Variants in PIK3CB observed in about 807,000 individuals in gnomAD.
PIK3CB encodes phosphatidylinositol-4,5-bisphosphate 3-kinase catalytic subunit beta.
Under a neutral mutation model 136.8 loss-of-function variants are expected in PIK3CB, and 39 were observed. The ratio of observed to expected loss-of-function variants is 0.29; its 90% CI spans 0.22 to 0.37. The LOEUF (loss-of-function observed/expected upper bound fraction) is 0.37. Ranked by LOEUF, PIK3CB falls within the 10% of genes least tolerant of loss-of-function variation. The pLI, the probability that PIK3CB is intolerant of heterozygous loss-of-function variation, is 1.00. For missense variants in PIK3CB, 868 were observed against 1,275.4 expected, an observed-to-expected ratio of 0.68 and a Z score of 4.87; for synonymous variants, 428 against 436.6, an observed-to-expected ratio of 0.98 and a Z score of 0.25.
intron 2 of PIK3CB, among the ~76,000 whole-genome samples, chr3:138,791,589 T>C (rs1439860075): frequency 6.6e-6 from 1 of 152,082 alleles, no homozygotes; most frequent in Admixed American, 6.6e-5. Flanking sequence ...TCTACCACAT[T>C]CACAATGATG....
chr3:138,754,583 A>T (rs2045531006), intron 4 of PIK3CB, among the ~76,000 whole-genome samples: 1 of 152,210 alleles, frequency 6.6e-6, no homozygotes, highest in South Asian at 2.1e-4. Context: ...ATGATACATA[A>T]CTATAAACTT....
chr3:138,662,244 A>C (rs1470995916), intron 21 of PIK3CB, among the ~76,000 whole-genome samples: 34 of 142,120 alleles, frequency 2.4e-4, no homozygotes, highest in Non-Finnish European at 4.1e-4. Flanking sequence ...TATATCTCCT[A>C]ATGCTATCCC....
chr3:138,688,478 G>T (rs1262197613), intron 16 of PIK3CB, among the ~76,000 whole-genome samples: 2 of 121,434 alleles, frequency 1.6e-5, no homozygotes, highest in African/African-American at 6.4e-5. Context: ...TCCAGCCTGG[G>T]CAACAGAGCG....
chr3:138,673,066 T>G (rs2043570195), intron 19 of PIK3CB, among the ~76,000 whole-genome samples: 1 of 151,792 alleles, frequency 6.6e-6, no homozygotes, highest in South Asian at 2.1e-4. Context: ...CATAAAGATA[T>G]GAAAAGACTC....
At chr3:138,679,399 G>A (rs1476878634) in intron 19 of PIK3CB, among the ~76,000 whole-genome samples, 2 of 151,986 alleles carry the variant, frequency 1.3e-5, no homozygotes, top group East Asian at 1.9e-4. Flanking sequence ...GGGTTCAAGC[G>A]ATCCTCTCAC....
chr3:138,656,418 CT>C, intron 22 of PIK3CB, 144 bp from the exon 23 acceptor site: 1 of 823,738 alleles, frequency 1.2e-6, no homozygotes, highest in Non-Finnish European at 1.8e-6. Context: ...CTGATTTTTA[CT>C]TCTGCGAAAA....
At chr3:138,765,928 G>A (rs1181206741) in intron 2 of PIK3CB, among the ~76,000 whole-genome samples, 2 of 152,164 alleles carry the variant, frequency 1.3e-5, no homozygotes, top group African/African-American at 4.8e-5. Flanking sequence ...TTTGCATGTG[G>A]TTTTACAAAA....
intron 6 of PIK3CB, among the ~76,000 whole-genome samples, chr3:138,736,006 A>G (rs971356542): frequency 6.6e-6 from 1 of 152,176 alleles, no homozygotes; most frequent in Non-Finnish European, 1.5e-5. Flanking sequence ...CTAACCCTGC[A>G]CAAAAACACA....
At position 138,825,395 on chromosome 3, in the gene PIK3CB, G is replaced by T. The variant is rs1933737836; in HGVS notation, c.-122+9300C>A. ...TGCTGAAGTGTGAAGCAACTAATTGGTGTTAACAAAATGGATTCCACTGAG... is the reference window on the plus strand; with the variant it reads ...TGCTGAAGTGTGAAGCAACTAATTGTTGTTAACAAAATGGATTCCACTGAG... On this transcript the variant is annotated intron_variant, in intron 1 of 23. Transcript: ENST00000674063. The T allele has an allele frequency of 6.3e-6, 4 of 636,486 alleles. No homozygotes were observed. In the East Asian group the frequency reaches 7.9e-5, roughly 12 times the overall value. 39.4% of individuals were successfully genotyped at this position (636,486 alleles called of 1,614,324 possible).
At chr3:138,751,717 C>A (rs2045475319) in intron 4 of PIK3CB, among the ~76,000 whole-genome samples, 3 of 151,992 alleles carry the variant, frequency 2.0e-5, no homozygotes, top group Non-Finnish European at 4.4e-5. Context: ...CACCTGTAAT[C>A]CCAGCACTTT....
chr3:138,822,343 C>T (rs1024330448), intron 1 of PIK3CB, among the ~76,000 whole-genome samples: 2 of 151,880 alleles, frequency 1.3e-5, no homozygotes, highest in South Asian at 2.1e-4. Context: ...ATCAGGAGTT[C>T]GAGACCAGCC....
intron 5 of PIK3CB, among the ~76,000 whole-genome samples, chr3:138,739,730 G>A (rs1160437231): frequency 5.3e-5 from 8 of 150,066 alleles, no homozygotes; most frequent in Non-Finnish European, 1.0e-4. Flanking sequence ...GTGAAACCCT[G>A]CCTCTACTAA....
intron 6 of PIK3CB, among the ~76,000 whole-genome samples, chr3:138,736,670 C>A (rs2108650701): frequency 6.6e-6 from 1 of 152,260 alleles, no homozygotes; most frequent in Admixed American, 6.5e-5. Flanking sequence ...TATTTAAACT[C>A]CACTTTACTC....
In PIK3CB at chr3:138,772,248, C is replaced by T. The variant is rs115136526; in HGVS notation, c.-16-12889G>A. ...AAAACTGCAAGTATAACCTAATGCG[C>T]GGCAATTAAGGGTGGAAGGAAAGAC... On this transcript the variant is annotated intron_variant, in intron 2 of 23. Transcript: ENST00000674063. Among the ~76,000 whole-genome samples, 582 of 151,970 alleles carry T rather than the reference C, an allele frequency of 3.8e-3. 5 individuals are homozygous for T. Among genetic ancestry groups the T allele is most frequent in the African/African-American group, 0.013 (554 of 41,426 alleles).
intron 8 of PIK3CB, among the ~76,000 whole-genome samples, chr3:138,715,614 A>G (rs2044590312): frequency 6.6e-6 from 1 of 152,172 alleles, no homozygotes; most frequent in Non-Finnish European, 1.5e-5. Context: ...TACCACGCCA[A>G]TATTTGAAAA....
chr3:138,687,632 T>G (rs372617161), intron 16 of PIK3CB, among the ~76,000 whole-genome samples: 2 of 152,054 alleles, frequency 1.3e-5, no homozygotes, highest in East Asian at 1.9e-4. Context: ...ACCTTCTAAT[T>G]TTTTCTAGAG....
intron 15 of PIK3CB, among the ~76,000 whole-genome samples, chr3:138,690,171 A>G (rs896510558): frequency 2.0e-5 from 3 of 152,040 alleles, no homozygotes; most frequent in Non-Finnish European, 4.4e-5. Flanking sequence ...CAGAAATAAA[A>G]CTAAAATTAA....
At chr3:138,762,911 G>T (rs1221533135) in intron 2 of PIK3CB, among the ~76,000 whole-genome samples, 2 of 151,938 alleles carry the variant, frequency 1.3e-5, no homozygotes, top group South Asian at 2.1e-4. Flanking sequence ...AGTGGGCCAA[G>T]ATTACACCAC....
At chr3:138,705,155 CAA>C (rs1312893752) in intron 11 of PIK3CB, among the ~76,000 whole-genome samples, 4 of 29,866 alleles carry the variant, frequency 1.3e-4, no homozygotes, top group Non-Finnish European at 2.3e-4. Flanking sequence ...ATTAGAAAGG[CAA>C]AAAAAAAAAA....
Sources: allele counts gnomAD v4.1 joint callset (sites outside exome capture counted in the v4.1 genomes callset), GRCh38; gene constraint gnomAD v4.1.1; transcripts MANE v1.5; gene names NCBI Gene and HGNC (gene_info 2026-07-23, HGNC 2026-07-21).